Variants in ZNF532 observed in about 807,000 individuals in gnomAD.
ZNF532 encodes zinc finger protein 532.
ZNF532 carries 22 observed loss-of-function variants against 89.3 expected under a neutral mutation model. The observed-to-expected ratio is 0.25, with a 90% CI of 0.18 to 0.35. The LOEUF is 0.35. ZNF532 is among the 10% of genes least tolerant of loss of function. The pLI is 1.00. For synonymous variants in ZNF532, 606 were observed against 649.6 expected (o/e 0.93, Z 1.02); for missense variants, 1,132 against 1,643.4 (o/e 0.69, Z 5.38).
chr18:58,968,652 G>A (rs1411975863), intron 7 of ZNF532, among the ~76,000 whole-genome samples: 3 of 152,190 alleles, frequency 2.0e-5, no homozygotes, highest in Admixed American at 2.0e-4. Flanking sequence ...ATCCCTTGGG[G>A]TGGTGGGAGT....
At chr18:58,906,479 A>T (rs557938515) in intron 2 of ZNF532, among the ~76,000 whole-genome samples, 1 of 151,888 alleles carries the variant, frequency 6.6e-6, no homozygotes, top group African/African-American at 2.4e-5. Flanking sequence ...TTCTGACACT[A>T]TAAGATTCAT....
At chr18:58,874,168 A>G (rs1004950277) in intron 2 of ZNF532, among the ~76,000 whole-genome samples, 2 of 151,996 alleles carry the variant, frequency 1.3e-5, no homozygotes, top group African/African-American at 4.8e-5. Context: ...GTTTTTGACC[A>G]TGAAAACAGA....
chr18:58,869,334 A>G (rs2056770065), intron 2 of ZNF532, among the ~76,000 whole-genome samples: 1 of 152,240 alleles, frequency 6.6e-6, no homozygotes, highest in Admixed American at 6.5e-5. Flanking sequence ...ATGATAATAG[A>G]ACACTCTCTA....
intron 2 of ZNF532, among the ~76,000 whole-genome samples, chr18:58,877,631 T>C (rs1351817773): frequency 6.6e-6 from 1 of 152,210 alleles, no homozygotes; most frequent in Non-Finnish European, 1.5e-5. Context: ...ATCTGGCACA[T>C]TGAATTGGAT....
chr18:58,929,288 C>T (rs2061764124), intron 3 of ZNF532, among the ~76,000 whole-genome samples: 1 of 152,074 alleles, frequency 6.6e-6, no homozygotes. Context: ...TTGCAGTGGT[C>T]CTCATTTTTG....
chr18:58,866,729 G>A (rs764327441), intron 2 of ZNF532, among the ~76,000 whole-genome samples: 5 of 152,220 alleles, frequency 3.3e-5, no homozygotes, highest in African/African-American at 9.6e-5. Flanking sequence ...AGTGAAGGAC[G>A]TCAAGTATGC....
intron 7 of ZNF532, among the ~76,000 whole-genome samples, chr18:58,965,169 G>A (rs2147288463): frequency 6.6e-6 from 1 of 152,138 alleles, no homozygotes; most frequent in South Asian, 2.1e-4. Flanking sequence ...AAAGGATGTT[G>A]AAAATTTTTG....
intron 2 of ZNF532, among the ~76,000 whole-genome samples, chr18:58,883,173 A>T (rs1326702200): frequency 1.3e-5 from 2 of 152,192 alleles, no homozygotes; most frequent in Non-Finnish European, 2.9e-5. Flanking sequence ...GATGTAATTA[A>T]TTCTCTTTCT....
intron 2 of ZNF532, among the ~76,000 whole-genome samples, chr18:58,908,755 A>C (rs960953999): frequency 1.3e-5 from 2 of 152,196 alleles, no homozygotes; most frequent in African/African-American, 4.8e-5. Context: ...GTTAGATCAA[A>C]ATTTGGTGAC....
intron 7 of ZNF532, among the ~76,000 whole-genome samples, chr18:58,977,126 G>T (rs1157880530): frequency 6.6e-6 from 1 of 152,144 alleles, no homozygotes; most frequent in Non-Finnish European, 1.5e-5. Flanking sequence ...TTAACTTGGA[G>T]AAGAAATTTT....
At chr18:58,876,355 C>CT (rs1489354084) in intron 2 of ZNF532, among the ~76,000 whole-genome samples, 1 of 152,214 alleles carries the variant, frequency 6.6e-6, no homozygotes, top group Non-Finnish European at 1.5e-5. Flanking sequence ...CTGTCACGCT[C>CT]TGAGTAGCAA....
intron 2 of ZNF532, among the ~76,000 whole-genome samples, chr18:58,886,179 C>G (rs2058290763): frequency 6.6e-6 from 1 of 152,070 alleles, no homozygotes. Context: ...CAGGGTTTCA[C>G]CACATTGGCC....
At chr18:58,955,807 A>C (rs1240959183) in intron 7 of ZNF532, among the ~76,000 whole-genome samples, 1 of 152,234 alleles carries the variant, frequency 6.6e-6, no homozygotes, top group Non-Finnish European at 1.5e-5. Context: ...TCCTACTAGC[A>C]TTGTACAGTG....
At chr18:58,891,418 T>A (rs1363639004) in intron 2 of ZNF532, among the ~76,000 whole-genome samples, 2 of 152,202 alleles carry the variant, frequency 1.3e-5, no homozygotes, top group Non-Finnish European at 2.9e-5. Context: ...TCATCCCAGC[T>A]ACTTGGGTGG....
chr18:58,983,106 C>T lies in ZNF532; in HGVS notation c.3412-866C>T, dbSNP rs997087607. On this transcript the variant is annotated intron_variant, in intron 9 of 9. Coordinates refer to ENST00000591808, the MANE Select transcript of ZNF532 (RefSeq NM_001375912.1). ...CAGCCTGGGCAATAGCGCGAGACTCCGTCTTAAAAAAAAAGAAAGTGTGTG... is the reference window on the plus strand; with the variant it reads ...CAGCCTGGGCAATAGCGCGAGACTCTGTCTTAAAAAAAAAGAAAGTGTGTG... 3.9e-5 allele frequency among the ~76,000 whole-genome samples: 6 copies of T among 151,910 alleles called. No individual in the cohort carries two copies. In the South Asian group the frequency reaches 6.2e-4, roughly 16 times the overall value.
chr18:58,949,350 A>G (rs2063944338), intron 6 of ZNF532, among the ~76,000 whole-genome samples: 1 of 152,190 alleles, frequency 6.6e-6, no homozygotes, highest in Non-Finnish European at 1.5e-5. Context: ...GAGAAACAAG[A>G]GACCCCATAT....
chr18:58,906,033 C>A (rs560800927), intron 2 of ZNF532, among the ~76,000 whole-genome samples: 1 of 152,312 alleles, frequency 6.6e-6, no homozygotes, highest in Non-Finnish European at 1.5e-5. Context: ...ATTCTCATCA[C>A]AGCCCGGGGA....
At position 58,918,778 on chromosome 18, in the gene ZNF532, T is replaced by C. The variant is rs1192347464; in HGVS notation, c.491T>C (p.Leu164Ser). The C allele has an allele frequency of 3.7e-6, 6 of 1,614,158 alleles. No individual in the cohort carries two copies. Among genetic ancestry groups the C allele is most frequent in the Non-Finnish European group, 5.1e-6 (6 of 1,180,022 alleles). ...DMRSSFRSNV[L>S]TGSAPQQDYD... ...CGATCAAGCTTCAGGTCGAATGTGT[T>C]GACGGGGTCGGCTCCCCAGCAGGAC... Residue 164 changes from leucine to serine, a missense_variant, in exon 3 of 10, where the codon TTG becomes TCG. Leu to Ser is a moderately radical substitution (Grantham distance 145). Coordinates refer to ENST00000591808, the MANE Select transcript of ZNF532 (RefSeq NM_001375912.1).
intron 5 of ZNF532, among the ~76,000 whole-genome samples, chr18:58,946,949 A>AG: frequency 6.6e-6 from 1 of 152,182 alleles, no homozygotes; most frequent in East Asian, 1.9e-4. Context: ...CAGGGCCCTG[A>AG]GAGAGGGAAG....
Sources: allele counts gnomAD v4.1 joint callset (sites outside exome capture counted in the v4.1 genomes callset), GRCh38; gene constraint gnomAD v4.1.1; transcripts MANE v1.5; gene names NCBI Gene and HGNC (gene_info 2026-07-23, HGNC 2026-07-21).